The following KDM5A variants were observed in gnomAD, a reference collection of about 807,000 sequenced individuals.
KDM5A encodes the protein lysine demethylase 5A, also known as lysine-specific demethylase 5A.
Under a neutral mutation model 193.5 loss-of-function variants are expected in KDM5A, and 42 were observed. The observed-to-expected ratio is 0.22, with a 90% CI of 0.17 to 0.28. The LOEUF is 0.28. KDM5A is among the 10% of genes least tolerant of loss of function. The pLI, the probability that KDM5A is intolerant of heterozygous loss-of-function variation, is 1.00. For synonymous variants in KDM5A, 796 were observed against 718.1 expected (o/e 1.11, Z -1.73); for missense variants, 1,692 against 2,055.1 (o/e 0.82, Z 3.42).
chr12:293,538 G>T (rs551686500), intron 26 of KDM5A, among the ~76,000 whole-genome samples: 2 of 152,286 alleles, frequency 1.3e-5, no homozygotes, highest in South Asian at 4.1e-4. Flanking sequence ...CAGCACTCTG[G>T]GAGGCCGAGG....
At chr12:357,764 G>A (rs1944244685) in intron 5 of KDM5A, among the ~76,000 whole-genome samples, 1 of 139,584 alleles carries the variant, frequency 7.2e-6, no homozygotes, top group South Asian at 2.3e-4. Flanking sequence ...GGAGGTGGAG[G>A]TTGCAGTGAG....
intron 24 of KDM5A, among the ~76,000 whole-genome samples, chr12:297,466 A>G (rs1459228354): frequency 3.3e-5 from 5 of 152,238 alleles, no homozygotes; most frequent in Non-Finnish European, 1.5e-5. Context: ...TAAACAGTAA[A>G]TAACTGGAGA....
At chr12:333,290 G>A (rs1054464473) in intron 12 of KDM5A, 197 bp downstream of exon 12, 2 of 617,098 alleles carry the variant, frequency 3.2e-6, no homozygotes, top group African/African-American at 3.7e-5. Context: ...GTGGTGGTGT[G>A]CTCCTATAGT....
intron 19 of KDM5A, among the ~76,000 whole-genome samples, chr12:315,973 A>C (rs536207024): frequency 1.4e-4 from 22 of 152,230 alleles, no homozygotes; most frequent in Non-Finnish European, 2.6e-4. Flanking sequence ...CCAAGAAATT[A>C]AATGAAATTT....
chr12:326,225 A>C (rs1943781530), intron 14 of KDM5A, among the ~76,000 whole-genome samples: 1 of 152,250 alleles, frequency 6.6e-6, no homozygotes, highest in Non-Finnish European at 1.5e-5. Context: ...ATTACAAATG[A>C]GTGGCTGGAC....
At chr12:340,649 C>G (rs763056414) in intron 10 of KDM5A, among the ~76,000 whole-genome samples, 24 of 130,164 alleles carry the variant, frequency 1.8e-4, no homozygotes, top group Admixed American at 4.5e-4. Flanking sequence ...GAGCTGAGAT[C>G]GTGCCACTGC....
intron 14 of KDM5A, among the ~76,000 whole-genome samples, chr12:326,987 G>A (rs1943798075): frequency 3.3e-5 from 5 of 152,026 alleles, no homozygotes; most frequent in African/African-American, 1.2e-4. Context: ...TGATAATGAA[G>A]GGATAAAGAG....
intron 8 of KDM5A, among the ~76,000 whole-genome samples, chr12:353,054 T>C (rs1463395153): frequency 2.6e-5 from 4 of 152,162 alleles, no homozygotes; most frequent in Non-Finnish European, 5.9e-5. Context: ...AGCTAAAAGA[T>C]ACCATCAGGG....
At chr12:289,839 A>G (rs1353314224) in intron 27 of KDM5A, among the ~76,000 whole-genome samples, 1 of 151,454 alleles carries the variant, frequency 6.6e-6, no homozygotes, top group African/African-American at 2.4e-5. Context: ...GAACCCTGGA[A>G]GTTATTTTTT....
chr12:384,755 G>C (rs574770650), intron 2 of KDM5A, among the ~76,000 whole-genome samples: 2 of 152,302 alleles, frequency 1.3e-5, no homozygotes, highest in African/African-American at 4.8e-5. Flanking sequence ...AGAAAATTCA[G>C]TAGATCGGAT....
chr12:303,467 A>C (rs181458451), intron 24 of KDM5A, among the ~76,000 whole-genome samples: 2 of 152,322 alleles, frequency 1.3e-5, no homozygotes, highest in Non-Finnish European at 2.9e-5. Context: ...AACAACGAGA[A>C]CATATGGACA....
chr12:361,577 T>C (rs1406610936), intron 5 of KDM5A, among the ~76,000 whole-genome samples: 2 of 152,062 alleles, frequency 1.3e-5, no homozygotes, highest in African/African-American at 2.4e-5. Context: ...TCAAAAAAAA[T>C]TTCATCACAA....
intron 3 of KDM5A, among the ~76,000 whole-genome samples, chr12:374,973 G>A (rs186712136): frequency 2.0e-5 from 3 of 151,990 alleles, no homozygotes; most frequent in African/African-American, 7.3e-5. Flanking sequence ...TTCCCTTTGT[G>A]GGTAACCCGA....
In KDM5A at chr12:355,238, G is replaced by A. The variant is rs2137456537; in HGVS notation, c.790C>T (p.Arg264Ter). Reference protein sequence around the residue: ...GTKDKEDEVTRRRKVTNRSDA... With the variant: ...GTKDKEDEVT ...GACCTGTTGGTAACTTTTCGTCTTC[G>A]GGTGACCTCATCTTGAAATAAAAAG... The change falls in exon 7 of 28, where the codon CGA becomes TGA. Residue 264 changes from arginine (R) to a stop codon, truncating the protein, a stop_gained. Transcript: ENST00000399788. LOFTEE classifies it high-confidence loss of function. 1 of 1,605,082 alleles carries A rather than the reference G, an allele frequency of 6.2e-7. No homozygotes were observed. The highest frequency in any genetic ancestry group is 8.5e-7 in the Non-Finnish European group (1 of 1,171,864).
At chr12:304,110 G>C (rs1943476226) in intron 24 of KDM5A, among the ~76,000 whole-genome samples, 1 of 152,132 alleles carries the variant, frequency 6.6e-6, no homozygotes, top group African/African-American at 2.4e-5. Context: ...GTTTCCACAA[G>C]CTCACCTACA....
In KDM5A at chr12:310,979, G is replaced by C. The variant is rs564426386; in HGVS notation, c.3122C>G (p.Pro1041Arg). Residue 1041 changes from proline to arginine, a missense_variant, in exon 21 of 28, where the codon CCG (proline) becomes CGG (arginine). Pro to Arg is a moderately radical substitution (Grantham distance 103). This residue lies in a region of KDM5A where 965 missense variants were observed against 1,061.0 expected (regional missense o/e 0.91). Transcript: ENST00000399788. ...RPIPVRLEAL[P>R]QVESQVAAAR... ...TGCTGCTACCTGTGATTCCACTTGCGGCAGTGCTTCAAGACGCACAGGAAT... is the reference window on the plus strand; with the variant it reads ...TGCTGCTACCTGTGATTCCACTTGCCGCAGTGCTTCAAGACGCACAGGAAT... The C allele has an allele frequency of 1.9e-6, 3 of 1,614,092 alleles. No homozygotes were observed. Among genetic ancestry groups the C allele is most frequent in the South Asian group, 2.2e-5 (2 of 91,080 alleles).
At chr12:351,243 T>C (rs934693667) in intron 9 of KDM5A, among the ~76,000 whole-genome samples, 3 of 152,204 alleles carry the variant, frequency 2.0e-5, no homozygotes, top group African/African-American at 7.2e-5. Context: ...CGGTGTGTGA[T>C]GTTCCCCTTC....
chr12:340,222 T>G lies in KDM5A; in HGVS notation c.1309-5800A>C, dbSNP rs566587924. Among the ~76,000 whole-genome samples the G allele has an allele frequency of 2.0e-5, 3 of 152,138 alleles. No individual in the cohort carries two copies. The South Asian group carries it at 6.2e-4, about 32-fold the overall frequency. On this transcript the variant is annotated intron_variant, in intron 10 of 27. Coordinates refer to ENST00000399788, the MANE Select transcript of KDM5A (RefSeq NM_001042603.3). ...GTTGGGTTATAAAAGACATTGCGACTCCATCTGGCTCTCAAAAGCCCTATG... is the reference window on the plus strand; with the variant it reads ...GTTGGGTTATAAAAGACATTGCGACGCCATCTGGCTCTCAAAAGCCCTATG...
intron 3 of KDM5A, among the ~76,000 whole-genome samples, chr12:375,030 T>C (rs946824494): frequency 1.3e-5 from 2 of 152,334 alleles, no homozygotes; most frequent in East Asian, 1.9e-4. Context: ...ATTTCAACTT[T>C]GGTGAATCTG....
Sources: gnomAD v4.1 joint callset for allele counts (sites outside exome capture counted in the v4.1 genomes callset) on GRCh38, gnomAD v4.1.1 for gene constraint, gnomAD v4.1.1 regional missense constraint, MANE v1.5 for transcripts, NCBI Gene and HGNC (gene_info 2026-07-23, HGNC 2026-07-21) for gene names.